Variants in SLC6A3 observed in about 807,000 individuals in gnomAD.
The protein encoded by SLC6A3 is sodium-dependent dopamine transporter.
SLC6A3 carries 19 observed loss-of-function variants against 70.4 expected under a neutral mutation model. The observed-to-expected ratio is 0.27, with a 90% CI of 0.19 to 0.40. The LOEUF is 0.40. Ranked by LOEUF, SLC6A3 falls within the 10% of genes least tolerant of loss-of-function variation. The probability of loss-of-function intolerance (pLI) is 1.00; values close to 1 mark genes in which losing one functional copy is unlikely to be tolerated. For missense variants in SLC6A3, 613 were observed against 838.5 expected, an observed-to-expected ratio of 0.73 and a Z score of 3.32; for synonymous variants, 368 against 356.6, an observed-to-expected ratio of 1.03 and a Z score of -0.36.
At chr5:1,423,715 T>C (rs1446368564) in intron 4 of SLC6A3, among the ~76,000 whole-genome samples, 1 of 152,122 alleles carries the variant, frequency 6.6e-6, no homozygotes, top group Admixed American at 6.5e-5. Flanking sequence ...CTGGTGACAC[T>C]CTCTGTGGGA....
intron 6 of SLC6A3, 100 bp downstream of exon 6, chr5:1,420,469 G>A (rs1388326362): frequency 3.5e-6 from 5 of 1,416,588 alleles, no homozygotes; most frequent in South Asian, 1.2e-5. Flanking sequence ...CCTGGTGTCT[G>A]CAACTCTGAC....
At chr5:1,422,079 G>A (rs1401493052) in intron 4 of SLC6A3, 65 bp from the exon 5 acceptor site, 3 of 1,550,278 alleles carry the variant, frequency 1.9e-6, no homozygotes, top group African/African-American at 2.7e-5. Flanking sequence ...CTGGACGGCT[G>A]AGCTTGTCCG....
In SLC6A3 at chr5:1,409,772, C is replaced by T. The variant is rs759854756; in HGVS notation, c.1347G>A (p.Thr449=). The stretch of plus-strand genomic sequence containing the variant: ...GGAAGGTCGCCAGGACGATGAAGAG[C>T]GTGAAGAGCTCACGGTGTCTGTGCA... The part of the protein sequence containing the change: ...QLLHRHRELF[T]LFIVLATFLL... Residue 449 remains threonine, a synonymous_variant, in exon 10 of 15, where the codon ACG becomes ACA. Coordinates refer to ENST00000270349, the MANE Select transcript of SLC6A3 (RefSeq NM_001044.5). 24 of 1,613,270 alleles carry T rather than the reference C, an allele frequency of 1.5e-5. No homozygotes were observed. Among genetic ancestry groups the T allele is most frequent in the East Asian group, 6.7e-5 (3 of 44,894 alleles).
intron 5 of SLC6A3, 102 bp from the exon 6 acceptor site, chr5:1,420,805 A>C: frequency 2.4e-6 from 3 of 1,264,180 alleles, no homozygotes; most frequent in Non-Finnish European, 3.4e-6. Flanking sequence ...TTGTCCTCTG[A>C]TTGGGAGGCC....
intron 4 of SLC6A3, among the ~76,000 whole-genome samples, chr5:1,430,547 T>C (rs28382239): frequency 1.3e-3 from 199 of 152,324 alleles, no homozygotes; most frequent in Middle Eastern, 3.4e-3. Context: ...GCATCAGCCC[T>C]ACTTTCTCCA....
In SLC6A3 at chr5:1,406,092, G is replaced by T; in HGVS notation, c.1599+96C>A. 1.1e-6 allele frequency: 1 copy of T among 878,948 alleles called. No individual in the cohort carries two copies. The highest frequency in any genetic ancestry group is 1.9e-6 in the Non-Finnish European group (1 of 515,780). The allele number at this position is 878,948 out of a possible 1,614,324, so 54.4% of individuals were successfully genotyped here. ...CTTGAGGCCCCTGACTCCAGCCACAGTGACAACCCACATGCGGGCGCTGGA... is the reference window on the plus strand; with the variant it reads ...CTTGAGGCCCCTGACTCCAGCCACATTGACAACCCACATGCGGGCGCTGGA... On this transcript the variant is annotated intron_variant, in intron 12 of 14. Transcript: ENST00000270349. The surrounding 1 kb of genome is among the most constrained non-coding windows in gnomAD (Gnocchi z 8.8).
rs553321123 is a variant in SLC6A3, at chr5:1,402,784, A to G, written c.1767+138T>C. 36 of 841,148 alleles carry G rather than the reference A, an allele frequency of 4.3e-5. No homozygotes were observed. In the African/African-American group the frequency reaches 4.7e-4, roughly 11 times the overall value. The allele number at this position is 841,148 out of a possible 1,614,324, so 52.1% of individuals were successfully genotyped here. On this transcript the variant is annotated intron_variant, in intron 13 of 14. Transcript: ENST00000270349. This position sits in a 1 kb window ranked among gnomAD's most constrained non-coding sequence, Gnocchi z 8.5. ...GACACACACACGCACACACACACAC[A>G]GTGTTGTGGTGGCCACCTCCAGTCT...
rs1210603296 is a variant in SLC6A3, at chr5:1,404,937, C to T, written c.1599+1251G>A. ...CCCTCTGGGTGTTAAGAGGAGACAC[C>T]CCCTCAAGGGGAGCCAACGTCCTCA... On this transcript the variant is annotated intron_variant, in intron 12 of 14. Transcript: ENST00000270349. This position sits in a 1 kb window ranked among gnomAD's most constrained non-coding sequence, Gnocchi z 5.2. 2.6e-5 allele frequency among the ~76,000 whole-genome samples: 4 copies of T among 152,204 alleles called. No individual in the cohort carries two copies. Among genetic ancestry groups the T allele is most frequent in the African/African-American group, 9.7e-5 (4 of 41,444 alleles).
intron 4 of SLC6A3, among the ~76,000 whole-genome samples, chr5:1,423,861 G>A (rs1420577764): frequency 6.6e-6 from 1 of 152,234 alleles, no homozygotes; most frequent in Non-Finnish European, 1.5e-5. Flanking sequence ...CGTTATGAAA[G>A]GAGCTCCCAC....
At position 1,400,922 on chromosome 5, in the gene SLC6A3, T is replaced by C. The variant is rs1755834105; in HGVS notation, c.1832A>G (p.Gln611Arg). Reference sequence around the variant, plus strand: ...CAGGGACCTCGACCTCACCGTGAACTGGCGCACCTCCCCTCTGTCCACCAG... The same window carrying C: ...CAGGGACCTCGACCTCACCGTGAACCGGCGCACCTCCCCTCTGTCCACCAG... ...RELVDRGEVR[Q>R]FTLRHWLKV The change falls in exon 14 of 15, where the codon CAG (glutamine) becomes CGG (arginine). Residue 611 changes from glutamine to arginine, a missense_variant. Physicochemically the swap from Gln to Arg is conservative, Grantham distance 43. This residue lies in a region of SLC6A3 where 348 missense variants were observed against 481.2 expected (regional missense o/e 0.72). Transcript: ENST00000270349. 6.3e-7 allele frequency: 1 copy of C among 1,586,242 alleles called. No homozygotes were observed. Among genetic ancestry groups the C allele is most frequent in the Non-Finnish European group, 8.6e-7 (1 of 1,163,768 alleles).
rs951087382 is a variant in SLC6A3 at position 1,397,293 on chromosome 5, C to T, written c.1840-2535G>A. Among the ~76,000 whole-genome samples the T allele has an allele frequency of 5.3e-5, 8 of 152,124 alleles. No individual in the cohort carries two copies. The highest frequency in any genetic ancestry group is 9.7e-5 in the African/African-American group (4 of 41,428). On this transcript the variant is annotated intron_variant, in intron 14 of 14. Transcript: ENST00000270349. The surrounding 1 kb of genome is among the most constrained non-coding windows in gnomAD (Gnocchi z 4.7). ...GAAAAATAAAAAGAAACCAAATTAA[C>T]GGTGGTGGGTGCCTGCAGTCCCAGC...
At position 1,411,311 on chromosome 5, in the gene SLC6A3, G is replaced by C. The variant is rs1308677080; in HGVS notation, c.1201C>G (p.Leu401Val). ...FIIYPEAIATLPLSSAWAVVF... is the reference protein window; with the variant it reads ...FIIYPEAIATVPLSSAWAVVF... ...ACGGCCCAGGCTGAGGACAGAGGGA[G>C]CGTGGCGATGGCTTCCGGGTAGATG... Residue 401 changes from leucine to valine, a missense_variant, in exon 9 of 15, where the codon CTC becomes GTC. This residue lies in a region of SLC6A3 where 348 missense variants were observed against 481.2 expected (regional missense o/e 0.72). Coordinates refer to ENST00000270349, the MANE Select transcript of SLC6A3 (RefSeq NM_001044.5). The surrounding 1 kb of genome is among the most constrained non-coding windows in gnomAD (Gnocchi z 6.5). 1 of 1,554,306 alleles carries C rather than the reference G, an allele frequency of 6.4e-7. No homozygotes were observed. The highest frequency in any genetic ancestry group is 1.2e-5 in the South Asian group (1 of 84,204).
intron 1 of SLC6A3, among the ~76,000 whole-genome samples, chr5:1,444,026 G>C (rs2735859): frequency 6.6e-6 from 1 of 152,150 alleles, no homozygotes; most frequent in African/African-American, 2.4e-5. Flanking sequence ...GTAATAAAGA[G>C]CAAAATTTAT....
In SLC6A3 at chr5:1,401,709, G is replaced by A. The variant is rs1054828256; in HGVS notation, c.1768-723C>T. On this transcript the variant is annotated intron_variant, in intron 13 of 14. Transcript: ENST00000270349. This position sits in a 1 kb window ranked among gnomAD's most constrained non-coding sequence, Gnocchi z 6.1. ...GTTTGGCCATGCGAGGGGTAAGGGCGCTGGCTGTTCAGGTCCGCCGGGCTG... is the reference window on the plus strand; with the variant it reads ...GTTTGGCCATGCGAGGGGTAAGGGCACTGGCTGTTCAGGTCCGCCGGGCTG... Among the ~76,000 whole-genome samples the A allele has an allele frequency of 7.5e-5, 11 of 146,520 alleles. No homozygotes were observed. The highest frequency in any genetic ancestry group is 6.7e-4 in the Admixed American group (10 of 15,008).
chr5:1,407,373 C>T (rs1021111049), intron 11 of SLC6A3, among the ~76,000 whole-genome samples: 12 of 146,546 alleles, frequency 8.2e-5, no homozygotes, highest in African/African-American at 2.2e-4. Context: ...GAGGTGAGGC[C>T]GGAAGAAGCC....
In SLC6A3 at chr5:1,414,900, T is replaced by C. The variant is rs111251989; in HGVS notation, c.1032-85A>G. The C allele has an allele frequency of 1.5e-5, 24 of 1,574,100 alleles. No individual in the cohort carries two copies. In the African/African-American group the frequency reaches 1.8e-4, roughly 11 times the overall value. ...CAGTCATTATTCTTAATTTACTGTG[T>C]CTGGGGAAGGGGGCGGGAGGTCTTC... On this transcript the variant is annotated intron_variant, in intron 7 of 14. Coordinates refer to ENST00000270349, the MANE Select transcript of SLC6A3 (RefSeq NM_001044.5).
chr5:1,426,541 C>T (rs978472783), intron 4 of SLC6A3, among the ~76,000 whole-genome samples: 1 of 151,890 alleles, frequency 6.6e-6, no homozygotes, highest in Non-Finnish European at 1.5e-5. Context: ...GATCCTGTCT[C>T]TAAAAAGGAA....
intron 4 of SLC6A3, among the ~76,000 whole-genome samples, chr5:1,422,286 G>T (rs1341116204): frequency 2.6e-5 from 4 of 152,176 alleles, no homozygotes; most frequent in Non-Finnish European, 5.9e-5. Context: ...GAGCTGCGGA[G>T]GCGGAGGGCA....
At chr5:1,419,909 C>A (rs1026312396) in intron 6 of SLC6A3, among the ~76,000 whole-genome samples, 5 of 152,118 alleles carry the variant, frequency 3.3e-5, no homozygotes, top group African/African-American at 1.2e-4. Context: ...GCCATGCCCG[C>A]CCATCCCTTC....
Sources: gnomAD v4.1 joint callset for allele counts (sites outside exome capture counted in the v4.1 genomes callset) on GRCh38, gnomAD v4.1.1 for gene constraint, gnomAD v4.1.1 regional missense constraint, Gnocchi (gnomAD v3.1) non-coding constraint, MANE v1.5 for transcripts, NCBI Gene and HGNC (gene_info 2026-07-23, HGNC 2026-07-21) for gene names.